The following LHFPL6 variants were observed in gnomAD, a reference collection of about 807,000 sequenced individuals.
LHFPL6 encodes the protein LHFPL tetraspan subfamily member 6 protein.
In LHFPL6, 9 loss-of-function variants were observed where a neutral mutation model predicts 20.6. The ratio of observed to expected loss-of-function variants is 0.44; its 90% CI spans 0.26 to 0.76. The LOEUF is 0.76. LHFPL6 is among the 30% of genes least tolerant of loss of function. The pLI is 0.20. For missense variants in LHFPL6, 218 were observed against 253.5 expected, an observed-to-expected ratio of 0.86 and a Z score of 0.95; for synonymous variants, 105 against 98.7, an observed-to-expected ratio of 1.06 and a Z score of -0.38.
At chr13:39,407,557 T>C (rs1393237776) in intron 2 of LHFPL6, among the ~76,000 whole-genome samples, 1 of 152,222 alleles carries the variant, frequency 6.6e-6, no homozygotes, top group Non-Finnish European at 1.5e-5. Flanking sequence ...CAAAACTTGC[T>C]ATTTGCTAAG....
chr13:39,405,656 T>C (rs1871098388), intron 2 of LHFPL6, among the ~76,000 whole-genome samples: 1 of 152,182 alleles, frequency 6.6e-6, no homozygotes, highest in Non-Finnish European at 1.5e-5. Context: ...GAAACGTTCT[T>C]GCTAATTTCA....
intron 2 of LHFPL6, among the ~76,000 whole-genome samples, chr13:39,429,056 G>C (rs1195283636): frequency 6.6e-6 from 1 of 152,042 alleles, no homozygotes; most frequent in African/African-American, 2.4e-5. Flanking sequence ...AATTTACTGA[G>C]ACTTGTTTTA....
At chr13:39,533,016 C>T (rs1870511769) in intron 2 of LHFPL6, among the ~76,000 whole-genome samples, 1 of 152,160 alleles carries the variant, frequency 6.6e-6, no homozygotes, top group South Asian at 2.1e-4. Flanking sequence ...ACTGCTATCA[C>T]CAACTTTACA....
chr13:39,558,473 A>G (rs910541064), intron 2 of LHFPL6, among the ~76,000 whole-genome samples: 2 of 152,218 alleles, frequency 1.3e-5, no homozygotes, highest in African/African-American at 4.8e-5. Context: ...CAACTGTATA[A>G]TGCGCTTCTT....
intron 2 of LHFPL6, among the ~76,000 whole-genome samples, chr13:39,479,811 A>G (rs1417274522): frequency 1.3e-5 from 2 of 152,188 alleles, no homozygotes; most frequent in African/African-American, 2.4e-5. Flanking sequence ...TGTGTAGCTG[A>G]GTCAGAAAAC....
intron 2 of LHFPL6, among the ~76,000 whole-genome samples, chr13:39,412,839 T>G (rs1317303066): frequency 6.6e-6 from 1 of 151,092 alleles, no homozygotes; most frequent in Non-Finnish European, 1.5e-5. Context: ...AGAGAACTGC[T>G]CGAACCCGGG....
chr13:39,496,964 A>G (rs949900316), intron 2 of LHFPL6, among the ~76,000 whole-genome samples: 3 of 152,198 alleles, frequency 2.0e-5, no homozygotes, highest in African/African-American at 7.2e-5. Flanking sequence ...TACTAAAATC[A>G]TAACACTCTG....
chr13:39,349,730 C>T (rs1168360032), intron 3 of LHFPL6, among the ~76,000 whole-genome samples: 1 of 152,088 alleles, frequency 6.6e-6, no homozygotes, highest in African/African-American at 2.4e-5. Flanking sequence ...TGAAAGAGAG[C>T]CTTAAATTAG....
intron 2 of LHFPL6, among the ~76,000 whole-genome samples, chr13:39,519,803 T>C (rs1262181955): frequency 2.0e-5 from 3 of 151,916 alleles, no homozygotes; most frequent in Non-Finnish European, 2.9e-5. Context: ...AGAAGACAAA[T>C]GAGGTAATAG....
rs371742886 is a variant in LHFPL6 at position 39,500,915 on chromosome 13, G to C, written c.385+99917C>G. 2.0e-5 allele frequency among the ~76,000 whole-genome samples: 3 copies of C among 152,058 alleles called. No individual in the cohort carries two copies. In the East Asian group the frequency reaches 5.8e-4, roughly 29 times the overall value. ...TTTGAGTGAGCATGAGAATCACCTGGAAAACTTAGGAAAACACAGATTGCT... is the reference window on the plus strand; with the variant it reads ...TTTGAGTGAGCATGAGAATCACCTGCAAAACTTAGGAAAACACAGATTGCT... On this transcript the variant is annotated intron_variant, in intron 2 of 3. Coordinates refer to ENST00000379589, the MANE Select transcript of LHFPL6 (RefSeq NM_005780.3).
At chr13:39,459,746 G>A (rs1260906257) in intron 2 of LHFPL6, among the ~76,000 whole-genome samples, 2 of 152,084 alleles carry the variant, frequency 1.3e-5, no homozygotes, top group African/African-American at 4.8e-5. Flanking sequence ...TGAGGGTCCC[G>A]CAAAGTTGAA....
intron 2 of LHFPL6, among the ~76,000 whole-genome samples, chr13:39,560,514 T>TC (rs1234533663): frequency 1.3e-5 from 2 of 148,450 alleles, no homozygotes; most frequent in Non-Finnish European, 3.0e-5. Flanking sequence ...CTTTTTTTTT[T>TC]TTTTTTTTTT....
chr13:39,486,730 T>C (rs1219162379), intron 2 of LHFPL6, among the ~76,000 whole-genome samples: 2 of 152,174 alleles, frequency 1.3e-5, no homozygotes, highest in South Asian at 2.1e-4. Context: ...AGCCTCCTTT[T>C]AGAATAAAGG....
intron 3 of LHFPL6, among the ~76,000 whole-genome samples, chr13:39,373,154 A>T (rs1870202764): frequency 6.6e-6 from 1 of 152,236 alleles, no homozygotes; most frequent in Admixed American, 6.5e-5. Context: ...TTGCGAGAGT[A>T]AACAGGCCTC....
At chr13:39,429,350 T>C (rs1451560447) in intron 2 of LHFPL6, among the ~76,000 whole-genome samples, 1 of 152,306 alleles carries the variant, frequency 6.6e-6, no homozygotes, top group Admixed American at 6.5e-5. Flanking sequence ...GGTATCCTGA[T>C]GAATTGACCC....
At chr13:39,583,169 CTT>C (rs34898470) in intron 2 of LHFPL6, among the ~76,000 whole-genome samples, 26 of 114,126 alleles carry the variant, frequency 2.3e-4, no homozygotes, top group African/African-American at 4.4e-4. Context: ...ATGCCAAATT[CTT>C]TTTTTTTTTT....
chr13:39,472,891 G>A (rs555448134), intron 2 of LHFPL6, among the ~76,000 whole-genome samples: 14 of 152,310 alleles, frequency 9.2e-5, no homozygotes, highest in South Asian at 8.3e-4. Flanking sequence ...GATTACAGGC[G>A]TGAGCCACCG....
chr13:39,570,642 C>T (rs911372576), intron 2 of LHFPL6, among the ~76,000 whole-genome samples: 4 of 151,636 alleles, frequency 2.6e-5, no homozygotes, highest in African/African-American at 9.7e-5. Context: ...AAGAAGATTG[C>T]CATGCAATTA....
chr13:39,503,709 G>A (rs1004793757), intron 2 of LHFPL6, among the ~76,000 whole-genome samples: 3 of 152,124 alleles, frequency 2.0e-5, no homozygotes, highest in Non-Finnish European at 4.4e-5. Flanking sequence ...ACCTTACTAT[G>A]TCTGTACACT....
Sources: allele counts gnomAD v4.1 joint callset (sites outside exome capture counted in the v4.1 genomes callset), GRCh38; gene constraint gnomAD v4.1.1; transcripts MANE v1.5; gene names NCBI Gene and HGNC (gene_info 2026-07-23, HGNC 2026-07-21).